Variants in KCNJ8 observed in about 807,000 individuals in gnomAD.
KCNJ8 encodes the protein ATP-sensitive inward rectifier potassium channel 8.
A neutral mutation model predicts 28.2 loss-of-function variants in KCNJ8; 13 were observed. That is an observed-to-expected ratio of 0.46 (90% confidence interval 0.30 to 0.73). The LOEUF (loss-of-function observed/expected upper bound fraction) is 0.73. Among genes scored for constraint, KCNJ8 ranks in the 30% least tolerant of loss-of-function variants. The pLI is 0.07. For synonymous variants in KCNJ8, 188 were observed against 195.9 expected (o/e 0.96, Z 0.34); for missense variants, 284 against 542.6 (o/e 0.52, Z 4.73).
At chr12:21,772,142 T>TG (rs796940738) in intron 2 of KCNJ8, among the ~76,000 whole-genome samples, 6 of 152,316 alleles carry the variant, frequency 3.9e-5, no homozygotes, top group African/African-American at 1.4e-4. Context: ...GTTCACAGTC[T>TG]GGGGTCCACT....
chr12:21,772,461 T>C (rs1267604001), intron 2 of KCNJ8, among the ~76,000 whole-genome samples: 1 of 152,170 alleles, frequency 6.6e-6, no homozygotes, highest in Non-Finnish European at 1.5e-5. Flanking sequence ...CTGAAATCAA[T>C]TTACCTGTCT....
Position 21,766,791 on chromosome 12 carries a change from GTCTC to G in KCNJ8, c.375-172_375-169del, listed in dbSNP as rs1280389958. On this transcript the variant is annotated intron_variant, in intron 2 of 2. Transcript: ENST00000240662. This position sits in a 1 kb window ranked among gnomAD's most constrained non-coding sequence, Gnocchi z 6.5. ...CTAATTCTAAACTGTGTTTAGAACA[GTCTC>G]TCTCTCTCTTGCATGCATCTACCTC... 2.2e-5 allele frequency: 14 copies of G among 650,326 alleles called. No individual in the cohort carries two copies. The highest frequency in any genetic ancestry group is 1.4e-4 in the East Asian group (5 of 36,638). The allele number at this position is 650,326 out of a possible 1,614,324, so 40.3% of individuals were successfully genotyped here. A position where few individuals can be genotyped will look rare whatever the true frequency, so the allele number is the denominator to read the frequency against.
In KCNJ8 at chr12:21,766,089, A is replaced by G; in HGVS notation, c.909T>C (p.Thr303=). The G allele has an allele frequency of 6.2e-7, 1 of 1,614,090 alleles. No individual in the cohort carries two copies. The highest frequency in any genetic ancestry group is 1.7e-5 in the Admixed American group (1 of 60,012). The part of the protein sequence containing the change: ...IVILEGVVET[T]GITTQARTSY... Reference sequence around the variant, plus strand: ...AGGTTCGTGCTTGTGTGGTGATGCCAGTAGTTTCAACCACTCCTTCCAGAA... The same window carrying G: ...AGGTTCGTGCTTGTGTGGTGATGCCGGTAGTTTCAACCACTCCTTCCAGAA... Residue 303 remains threonine (T), a synonymous_variant, in exon 3 of 3, where the codon ACT becomes ACC. Transcript: ENST00000240662. This position sits in a 1 kb window ranked among gnomAD's most constrained non-coding sequence, Gnocchi z 6.5.
At chr12:21,774,330 C>CTTTTT (rs113701092) in intron 1 of KCNJ8, among the ~76,000 whole-genome samples, 1 of 126,938 alleles carries the variant, frequency 7.9e-6, no homozygotes, top group African/African-American at 2.9e-5. Flanking sequence ...AAATTGAAAA[C>CTTTTT]TTTTTTTTTT....
chr12:21,767,558 T>C (rs1280302345), intron 2 of KCNJ8, among the ~76,000 whole-genome samples: 4 of 152,064 alleles, frequency 2.6e-5, no homozygotes, highest in Non-Finnish European at 4.4e-5. Context: ...GGGACAGTTT[T>C]ATCCCCACAC....
At chr12:21,768,616 T>G (rs911584975) in intron 2 of KCNJ8, among the ~76,000 whole-genome samples, 3 of 152,350 alleles carry the variant, frequency 2.0e-5, no homozygotes, top group African/African-American at 7.2e-5. Context: ...AGTTTAGGCC[T>G]GTTGTGCCAA....
In KCNJ8 at chr12:21,766,714, A is replaced by G; in HGVS notation, c.375-91T>C. 4.7e-6 allele frequency: 5 copies of G among 1,066,680 alleles called. No homozygotes were observed. The highest frequency in any genetic ancestry group is 7.0e-6 in the Non-Finnish European group (5 of 715,230). The allele number at this position is 1,066,680 out of a possible 1,614,324, so 66.1% of individuals were successfully genotyped here. A position where few individuals can be genotyped will look rare whatever the true frequency, so the allele number is the denominator to read the frequency against. ...CTGAGCTTTTCATTTTCTTCCACCA[A>G]AGACTATTAAATGCTTGCAGAAAGA... On this transcript the variant is annotated intron_variant, in intron 2 of 2. Coordinates refer to ENST00000240662, the MANE Select transcript of KCNJ8 (RefSeq NM_004982.4). The surrounding 1 kb of genome is among the most constrained non-coding windows in gnomAD (Gnocchi z 6.5).
Position 21,773,168 on chromosome 12 carries a change from A to G in KCNJ8, c.374+75T>C. The G allele has an allele frequency of 7.4e-6, 11 of 1,496,564 alleles. No homozygotes were observed. Among genetic ancestry groups the G allele is most frequent in the Non-Finnish European group, 1.0e-5 (11 of 1,084,234 alleles). 92.7% of individuals were successfully genotyped at this position (1,496,564 alleles called of 1,614,324 possible). On this transcript the variant is annotated intron_variant, in intron 2 of 2. Coordinates refer to ENST00000240662, the MANE Select transcript of KCNJ8 (RefSeq NM_004982.4). The surrounding 1 kb of genome is among the most constrained non-coding windows in gnomAD (Gnocchi z 4.6). The stretch of plus-strand genomic sequence containing the variant: ...ATTTCACTTTCAATTAAATAACAGA[A>G]TGATAAGAGAAAGGGCATTTTGACA...
chr12:21,765,627 G>A lies in KCNJ8; in HGVS notation c.*96C>T. 1 of 1,019,412 alleles carries A rather than the reference G, an allele frequency of 9.8e-7. No homozygotes were observed. Among genetic ancestry groups the A allele is most frequent in the Admixed American group, 1.7e-5 (1 of 59,134 alleles). The allele number at this position is 1,019,412 out of a possible 1,614,324, so 63.1% of individuals were successfully genotyped here. ...TCATTTAGTGTAATAAAATGTAGAA[G>A]GACACATTATTGTGTTCCAGCTCTG... On this transcript the variant is annotated 3_prime_UTR_variant, in exon 3 of 3. Coordinates refer to ENST00000240662, the MANE Select transcript of KCNJ8 (RefSeq NM_004982.4).
At chr12:21,771,160 AAC>A (rs1469856227) in intron 2 of KCNJ8, among the ~76,000 whole-genome samples, 2 of 152,160 alleles carry the variant, frequency 1.3e-5, no homozygotes, top group Non-Finnish European at 2.9e-5. Context: ...GTATGGATAC[AAC>A]ACTGATTTCT....
chr12:21,774,340 T>C (rs1940837230), intron 1 of KCNJ8, among the ~76,000 whole-genome samples: 1 of 151,756 alleles, frequency 6.6e-6, no homozygotes, highest in African/African-American at 2.4e-5. Flanking sequence ...CTTTTTTTTT[T>C]TTTTTTTTTT....
Position 21,766,469 on chromosome 12 carries a change from T to C in KCNJ8, c.529A>G (p.Ile177Val). 1 of 1,614,140 alleles carries C rather than the reference T, an allele frequency of 6.2e-7. No individual in the cohort carries two copies. The highest frequency in any genetic ancestry group is 8.5e-7 in the Non-Finnish European group (1 of 1,180,040). Residue 177 changes from isoleucine (I) to valine (V), a missense_variant, in exon 3 of 3, where the codon ATT (isoleucine) becomes GTT (valine). Physicochemically the swap from Ile to Val is conservative, Grantham distance 29. Around this residue, in one of 8 missense-constraint regions of KCNJ8, gnomAD observed 1 missense variants for 25.7 expected, o/e 0.04. Transcript: ENST00000240662. The surrounding 1 kb of genome is among the most constrained non-coding windows in gnomAD (Gnocchi z 6.5). ...LIINAVMLGC[I>V]FMKTAQAHRR... ...TGAGCCTGAGCTGTTTTCATGAAAATGCAGCCTAACATGACTGCATTGATG... is the reference window on the plus strand; with the variant it reads ...TGAGCCTGAGCTGTTTTCATGAAAACGCAGCCTAACATGACTGCATTGATG...
rs1940606130 is a variant in KCNJ8, at chr12:21,765,883, C to G, written c.1115G>C (p.Ser372Thr). 2.5e-6 allele frequency: 4 copies of G among 1,614,098 alleles called. No individual in the cohort carries two copies. The highest frequency in any genetic ancestry group is 2.5e-6 in the Non-Finnish European group (3 of 1,180,048). Residue 372 changes from serine to threonine, a missense_variant, in exon 3 of 3, where the codon AGT becomes ACT. Physicochemically the swap from Ser to Thr is moderately conservative, Grantham distance 58. Around this residue, in one of 8 missense-constraint regions of KCNJ8, gnomAD observed 107 missense variants for 235.6 expected, o/e 0.45. Transcript: ENST00000240662. ...PSILIQTLQK[S>T]ELSHQNSLRK... ...CAGAGAATTTTGATGAGACAGTTCA[C>G]TCTTTTGGAGGGTCTGAATAAGGAT... is the stretch of plus-strand genomic sequence containing the variant.
chr12:21,774,222 T>C (rs901970055), intron 1 of KCNJ8, among the ~76,000 whole-genome samples: 1 of 152,150 alleles, frequency 6.6e-6, no homozygotes. Context: ...TGGTGTGCTA[T>C]AGAATTTATA....
At chr12:21,768,711 G>A (rs1415896118) in intron 2 of KCNJ8, among the ~76,000 whole-genome samples, 2 of 152,188 alleles carry the variant, frequency 1.3e-5, no homozygotes, top group Admixed American at 1.3e-4. Flanking sequence ...TGATAAGACA[G>A]CAAAATAGCC....
Position 21,765,944 on chromosome 12 carries a change from G to A in KCNJ8, c.1054C>T (p.Arg352Trp), listed in dbSNP as rs556299317. 33 of 1,614,096 alleles carry A rather than the reference G, an allele frequency of 2.0e-5. No individual in the cohort carries two copies. The highest frequency in any genetic ancestry group is 2.7e-5 in the African/African-American group (2 of 75,038). The change falls in exon 3 of 3, where the codon CGG becomes TGG. Residue 352 changes from arginine (R) to tryptophan (W), a missense_variant. Transcript: ENST00000240662. ...TCATCCAGCTCTCGGGCACTGCACC[G>A]TGGAGCAGCTACTTTAACAGTGTTG... ...FGNTVKVAAP[R>W]CSARELDEKP...
intron 2 of KCNJ8, among the ~76,000 whole-genome samples, chr12:21,771,069 C>G (rs1375568455): frequency 6.6e-6 from 1 of 152,104 alleles, no homozygotes; most frequent in Non-Finnish European, 1.5e-5. Flanking sequence ...CAGTAATTGC[C>G]TATTGCACTA....
At position 21,765,823 on chromosome 12, in the gene KCNJ8, A is replaced by G; in HGVS notation, c.1175T>C (p.Met392Thr). 1.2e-6 allele frequency: 2 copies of G among 1,614,138 alleles called. No homozygotes were observed. The highest frequency in any genetic ancestry group is 4.5e-5 in the East Asian group (2 of 44,890). The change falls in exon 3 of 3, where the codon ATG becomes ACG. Residue 392 changes from methionine (M) to threonine (T), a missense_variant. Met to Thr is a moderately conservative substitution (Grantham distance 81). Around this residue, in one of 8 missense-constraint regions of KCNJ8, gnomAD observed 50 missense variants for 55.9 expected, o/e 0.90. Transcript: ENST00000240662. ...KRNSMRRNNS[M>T]RRNNSIRRNN... ...CCTTCGGATAGAATTGTTCCTCCTC[A>G]TGGAATTGTTTCTTCTCATGGAGTT...
chr12:21,769,733 G>A (rs1369841391), intron 2 of KCNJ8, among the ~76,000 whole-genome samples: 1 of 152,206 alleles, frequency 6.6e-6, no homozygotes, highest in Non-Finnish European at 1.5e-5. Flanking sequence ...AGTTTGAGGG[G>A]TTCAATACTT....
Sources: allele counts gnomAD v4.1 joint callset (sites outside exome capture counted in the v4.1 genomes callset), GRCh38; gene constraint gnomAD v4.1.1; regional missense constraint gnomAD v4.1.1; non-coding constraint Gnocchi (gnomAD v3.1); transcripts MANE v1.5; gene names NCBI Gene and HGNC (gene_info 2026-07-23, HGNC 2026-07-21).